The following DYNLT2B variants were observed in gnomAD, a reference collection of about 807,000 sequenced individuals.
The protein encoded by DYNLT2B is dynein light chain Tctex-type 2B.
DYNLT2B carries 14 observed loss-of-function variants against 19.5 expected under a neutral mutation model. The observed-to-expected ratio is 0.72, with a 90% CI of 0.47 to 1.12. The LOEUF is 1.12. Among genes scored for constraint, DYNLT2B ranks in the 50% most tolerant of loss-of-function variants. The probability of loss-of-function intolerance (pLI) is 0.00; values close to 1 mark genes in which losing one functional copy is unlikely to be tolerated. For synonymous variants in DYNLT2B, 70 were observed against 59.7 expected, an observed-to-expected ratio of 1.17 and a Z score of -0.79; for missense variants, 133 against 174.7, an observed-to-expected ratio of 0.76 and a Z score of 1.35.
chr3:196,297,103 C>T (rs1487118559), intron 3 of DYNLT2B, among the ~76,000 whole-genome samples: 1 of 147,906 alleles, frequency 6.8e-6, no homozygotes. Flanking sequence ...TGGTGTGAAC[C>T]TGGGAGGCGG....
chr3:196,296,288 A>C, intron 3 of DYNLT2B: 2 of 486,002 alleles, frequency 4.1e-6, no homozygotes, highest in South Asian at 5.8e-5. Context: ...ACTAGAGGTG[A>C]CCAGCCAGGT....
In DYNLT2B at chr3:196,313,475, C is replaced by T. The variant is rs570549551; in HGVS notation, c.247+2623G>A. Among the ~76,000 whole-genome samples the T allele has an allele frequency of 3.3e-5, 5 of 152,218 alleles. No individual in the cohort carries two copies. The South Asian group carries it at 8.3e-4, about 25-fold the overall frequency. ...CCTCCAAAAGTGCTGGAATTACAGG[C>T]GTGAGCCACTGTGCCTGGCCAATAT... On this transcript the variant is annotated intron_variant, in intron 2 of 4. Coordinates refer to ENST00000325318, the MANE Select transcript of DYNLT2B (RefSeq NM_152773.5).
rs187189106 is a variant in DYNLT2B at position 196,313,384 on chromosome 3, C to A, written c.247+2714G>T. Among the ~76,000 whole-genome samples, 175 of 152,036 alleles carry A rather than the reference C, an allele frequency of 1.2e-3. 1 individual carries two copies. Among genetic ancestry groups the A allele is most frequent in the Admixed American group, 3.0e-3 (45 of 15,250 alleles). ...CTAATTTTTGTATTTTTCTAAGAGA[C>A]AGGGTTTTGCCATGTTGGCCAGGAT... On this transcript the variant is annotated intron_variant, in intron 2 of 4. Coordinates refer to ENST00000325318, the MANE Select transcript of DYNLT2B (RefSeq NM_152773.5).
At chr3:196,309,350 C>A (rs576215839) in intron 2 of DYNLT2B, among the ~76,000 whole-genome samples, 10 of 152,252 alleles carry the variant, frequency 6.6e-5, no homozygotes, top group South Asian at 4.1e-4. Context: ...ACCACAAACT[C>A]TGCCTCCTGG....
At chr3:196,317,185 TG>T (rs1456688412) in intron 1 of DYNLT2B, among the ~76,000 whole-genome samples, 20 of 128,676 alleles carry the variant, frequency 1.6e-4, no homozygotes, top group African/African-American at 5.9e-4. Context: ...GTGTGTGTTG[TG>T]TGTGTGTGTG....
chr3:196,313,161 A>G (rs752539457), intron 2 of DYNLT2B, among the ~76,000 whole-genome samples: 26 of 152,054 alleles, frequency 1.7e-4, no homozygotes, highest in Non-Finnish European at 2.2e-4. Context: ...GTATATGGAC[A>G]TGTAGAAGTC....
chr3:196,317,924 G>T, intron 1 of DYNLT2B, 116 bp downstream of exon 1: 1 of 428,846 alleles, frequency 2.3e-6, no homozygotes, highest in Non-Finnish European at 3.6e-6. Context: ...CCCGCCTCCC[G>T]CCCCGCGGAC....
chr3:196,291,280 C>T lies in DYNLT2B; in HGVS notation c.*47G>A, dbSNP rs538210823. ...AGATATTTAACAATATTAAAAAGTT[C>T]AGATTTCTTCATGGTCATGTCTTTT... On this transcript the variant is annotated 3_prime_UTR_variant, in exon 5 of 5. Coordinates refer to ENST00000325318, the MANE Select transcript of DYNLT2B (RefSeq NM_152773.5). The T allele has an allele frequency of 5.8e-6, 9 of 1,550,722 alleles. No individual in the cohort carries two copies. In the African/African-American group the frequency reaches 8.3e-5, roughly 14 times the overall value.
chr3:196,293,123 G>A (rs900666020), intron 4 of DYNLT2B, among the ~76,000 whole-genome samples: 1 of 152,094 alleles, frequency 6.6e-6, no homozygotes, highest in African/African-American at 2.4e-5. Context: ...CAGAGTGCTG[G>A]GATTACAGGC....
In DYNLT2B at chr3:196,307,450, G is replaced by A. The variant is rs534014299; in HGVS notation, c.248-438C>T. 7.6e-4 allele frequency among the ~76,000 whole-genome samples: 116 copies of A among 152,162 alleles called. 1 individual carries two copies. The highest frequency in any genetic ancestry group is 2.8e-3 in the African/African-American group (115 of 41,528). On this transcript the variant is annotated intron_variant, in intron 2 of 4. Transcript: ENST00000325318. ...CCTCAGTAGCTGGGACTACAGGTAT[G>A]CATCACCACACCTGGCTAATTTTTG...
chr3:196,296,625 CAACTT>C (rs939194249), intron 3 of DYNLT2B, among the ~76,000 whole-genome samples: 2 of 151,974 alleles, frequency 1.3e-5, no homozygotes, highest in African/African-American at 2.4e-5. Context: ...AAAATGGAAA[CAACTT>C]AAATGCCCAA....
chr3:196,291,253 C>A lies in DYNLT2B; in HGVS notation c.*74G>T. Reference sequence around the variant, plus strand: ...CAAACTACTAACATCTTTATTTTGTCAAGATATTTAACAATATTAAAAAGT... The same window carrying A: ...CAAACTACTAACATCTTTATTTTGTAAAGATATTTAACAATATTAAAAAGT... On this transcript the variant is annotated 3_prime_UTR_variant, in exon 5 of 5. Coordinates refer to ENST00000325318, the MANE Select transcript of DYNLT2B (RefSeq NM_152773.5). 1 of 1,357,534 alleles carries A rather than the reference C, an allele frequency of 7.4e-7. No homozygotes were observed. The highest frequency in any genetic ancestry group is 1.3e-5 in the South Asian group (1 of 74,768). 84.1% of individuals were successfully genotyped at this position (1,357,534 alleles called of 1,614,324 possible).
At chr3:196,303,778 T>C (rs12637379) in intron 3 of DYNLT2B, among the ~76,000 whole-genome samples, 48,676 of 152,150 alleles carry the variant, frequency 0.32, 8,893 homozygotes, top group East Asian at 0.83. Flanking sequence ...AGGAACAAAC[T>C]AGAAATCAGA....
In DYNLT2B at chr3:196,295,927, A is replaced by G. The variant is rs1726210273; in HGVS notation, c.381+79T>C. 22 of 1,178,102 alleles carry G rather than the reference A, an allele frequency of 1.9e-5. No individual in the cohort carries two copies. In the South Asian group the frequency reaches 2.7e-4, roughly 14 times the overall value. The allele number at this position is 1,178,102 out of a possible 1,614,324, so 73.0% of individuals were successfully genotyped here. A position where few individuals can be genotyped will look rare whatever the true frequency, so the allele number is the denominator to read the frequency against. ...ATGACTAAGACAGCAGTGTCTTTCC[A>G]TCCCAATCAACAGTAAATAGTTTGA... is the stretch of plus-strand genomic sequence containing the variant. On this transcript the variant is annotated intron_variant, in intron 4 of 4. Transcript: ENST00000325318.
chr3:196,308,991 TCATATCAGAGCAATTAAAAATCCCCCAC>T, intron 2 of DYNLT2B, among the ~76,000 whole-genome samples: 1 of 149,046 alleles, frequency 6.7e-6, no homozygotes. Flanking sequence ...ATCCCCCACA[TCATATCAGAGCAATTAAAAATCCCCCAC>T]ATTATATCAG....
chr3:196,303,059 T>C (rs1311479735), intron 3 of DYNLT2B, among the ~76,000 whole-genome samples: 1 of 152,124 alleles, frequency 6.6e-6, no homozygotes, highest in Non-Finnish European at 1.5e-5. Context: ...GCGCTTGAGA[T>C]ATTTTGCAGA....
At chr3:196,304,873 T>TCTACCTACCTAC (rs766807142) in intron 3 of DYNLT2B, among the ~76,000 whole-genome samples, 1 of 151,998 alleles carries the variant, frequency 6.6e-6, no homozygotes, top group African/African-American at 2.4e-5. Flanking sequence ...TAAGCACTTA[T>TCTACCTACCTAC]CTACCTACCT....
At position 196,306,816 on chromosome 3, in the gene DYNLT2B, C is replaced by T. The variant is rs1726501103; in HGVS notation, c.317+127G>A. 2.3e-5 allele frequency: 18 copies of T among 775,266 alleles called. 2 individuals are homozygous for T. The South Asian group carries it at 3.1e-4, about 14-fold the overall frequency. The allele number at this position is 775,266 out of a possible 1,614,324, so 48.0% of individuals were successfully genotyped here. On this transcript the variant is annotated intron_variant, in intron 3 of 4. Coordinates refer to ENST00000325318, the MANE Select transcript of DYNLT2B (RefSeq NM_152773.5). ...TCAGCCTCCCAAAGTGCTGAGATTA[C>T]AGGTGTGACCCATCACACCCGGCCC...
At chr3:196,317,626 G>A (rs1455412574) in intron 1 of DYNLT2B, among the ~76,000 whole-genome samples, 2 of 152,164 alleles carry the variant, frequency 1.3e-5, no homozygotes, top group Admixed American at 1.3e-4. Context: ...ACTTCGCACA[G>A]ATGCAGCTCC....
Sources: gnomAD v4.1 joint callset for allele counts (sites outside exome capture counted in the v4.1 genomes callset) on GRCh38, gnomAD v4.1.1 for gene constraint, MANE v1.5 for transcripts, NCBI Gene and HGNC (gene_info 2026-07-23, HGNC 2026-07-21) for gene names.